The following GEMIN5 variants were observed in gnomAD, a reference collection of about 807,000 sequenced individuals.
GEMIN5 encodes gem nuclear organelle associated protein 5, also known as gem-associated protein 5.
A neutral mutation model predicts 176.9 loss-of-function variants in GEMIN5; 124 were observed. The ratio of observed to expected loss-of-function variants is 0.70; its 90% CI spans 0.61 to 0.81. The LOEUF (loss-of-function observed/expected upper bound fraction) is 0.81, where lower values mean the gene tolerates loss of function less well. Among genes scored for constraint, GEMIN5 ranks in the 40% least tolerant of loss-of-function variants. The pLI, the probability that GEMIN5 is intolerant of heterozygous loss-of-function variation, is 0.00. For missense variants in GEMIN5, 1,843 were observed against 1,814.6 expected (o/e 1.02, Z -0.28); for synonymous variants, 673 against 665.2 (o/e 1.01, Z -0.18).
rs1340695735 is a variant in GEMIN5, at chr5:154,892,386, C to T, written c.3760+1G>A. ...GCCTCAGGCAGCAGGAAGTCACTTA[C>T]CGTCAGGGAGAAAGGCTGAGTACAC... On this transcript the variant is annotated splice_donor_variant, in intron 25 of 27. Coordinates refer to ENST00000285873, the MANE Select transcript of GEMIN5 (RefSeq NM_015465.5). LOFTEE classifies it high-confidence loss of function. The T allele has an allele frequency of 1.2e-6, 2 of 1,612,528 alleles. No homozygotes were observed. Among genetic ancestry groups the T allele is most frequent in the Non-Finnish European group, 1.7e-6 (2 of 1,178,880 alleles).
At chr5:154,918,154 T>A in intron 11 of GEMIN5, 150 bp from the exon 12 acceptor site, 1 of 607,306 alleles carries the variant, frequency 1.6e-6, no homozygotes, top group Non-Finnish European at 2.9e-6. Context: ...GTAAAAGGAT[T>A]ACTAAGAACA....
intron 10 of GEMIN5, among the ~76,000 whole-genome samples, chr5:154,920,720 C>T (rs1763905250): frequency 6.6e-6 from 1 of 152,166 alleles, no homozygotes; most frequent in Non-Finnish European, 1.5e-5. Context: ...CTTATCCTCT[C>T]TATGTAATGC....
intron 11 of GEMIN5, among the ~76,000 whole-genome samples, chr5:154,918,222 A>T (rs1411901432): frequency 6.6e-6 from 1 of 152,222 alleles, no homozygotes; most frequent in African/African-American, 2.4e-5. Flanking sequence ...AAAACCCCCA[A>T]GGCCAATAAG....
At position 154,938,030 on chromosome 5, in the gene GEMIN5, G is replaced by C; in HGVS notation, c.104C>G (p.Ser35Cys). The change falls in exon 1 of 28, where the codon TCC becomes TGC. Residue 35 changes from serine (S) to cysteine (C), a missense_variant. Ser to Cys is a moderately radical substitution (Grantham distance 112). Transcript: ENST00000285873. ...GGLFGFAART[S>C]VFLVRVGPGA... ...CGGGCCCACGCGGACAAGGAAGACG[G>C]AGGTCCGCGCGGCGAAGCCAAAGAG... The C allele has an allele frequency of 1.3e-6, 2 of 1,558,418 alleles. No individual in the cohort carries two copies. The highest frequency in any genetic ancestry group is 1.7e-6 in the Non-Finnish European group (2 of 1,155,962).
At chr5:154,932,030 T>C (rs1440589772) in intron 4 of GEMIN5, 69 bp downstream of exon 4, 2 of 1,117,372 alleles carry the variant, frequency 1.8e-6, no homozygotes, top group African/African-American at 3.2e-5. Context: ...AAATAAAAAA[T>C]GATATAATTG....
chr5:154,933,353 G>T (rs1187419841), intron 3 of GEMIN5, among the ~76,000 whole-genome samples: 3 of 152,012 alleles, frequency 2.0e-5, no homozygotes, highest in African/African-American at 4.8e-5. Context: ...CATTCTGTTT[G>T]TAATTCATCC....
chr5:154,911,711 C>G lies in GEMIN5; in HGVS notation c.2167+16G>C. The G allele has an allele frequency of 6.2e-7, 1 of 1,603,860 alleles. No homozygotes were observed. The highest frequency in any genetic ancestry group is 8.5e-7 in the Non-Finnish European group (1 of 1,172,080). The stretch of plus-strand genomic sequence containing the variant: ...AGGGAGAAAAAGAATTAGATAAGCT[C>G]TAGGTTCTGACTGACCTTGAGGAGG... On this transcript the variant is annotated intron_variant, in intron 15 of 27. Coordinates refer to ENST00000285873, the MANE Select transcript of GEMIN5 (RefSeq NM_015465.5).
At chr5:154,930,162 T>C (rs530236682) in intron 5 of GEMIN5, among the ~76,000 whole-genome samples, 2 of 152,306 alleles carry the variant, frequency 1.3e-5, no homozygotes, top group Non-Finnish European at 2.9e-5. Context: ...GCCATAACCA[T>C]TTTCTCCCAT....
At chr5:154,910,666 T>C (rs1043124834) in intron 15 of GEMIN5, among the ~76,000 whole-genome samples, 8 of 152,186 alleles carry the variant, frequency 5.3e-5, no homozygotes, top group Admixed American at 3.9e-4. Flanking sequence ...CCAATTAATC[T>C]TTCTTAGCCA....
chr5:154,898,378 G>A (rs1763396509), intron 23 of GEMIN5, 62 bp downstream of exon 23: 3 of 1,430,924 alleles, frequency 2.1e-6, no homozygotes, highest in Non-Finnish European at 2.9e-6. Context: ...ACTTGGATTT[G>A]ACTAGAAAAG....
rs1561705773 is a variant in GEMIN5 at position 154,888,870 on chromosome 5, T to TTTTG, written c.4359+450_4359+451insCAAA. Among the ~76,000 whole-genome samples, 9 of 34,466 alleles carry TTTTG rather than the reference T, an allele frequency of 2.6e-4. 1 individual carries two copies. Among genetic ancestry groups the TTTTG allele is most frequent in the Admixed American group, 1.9e-3 (7 of 3,672 alleles). 22.6% of individuals were successfully genotyped at this position (34,466 alleles called of 152,430 possible). On this transcript the variant is annotated intron_variant, in intron 27 of 27. Transcript: ENST00000285873. ...AAATTCTTTTTTTTTGTTTTGTTTT[T>TTTTG]TTTTTGAGACAGAGTCTCGCTCTGT...
In GEMIN5 at chr5:154,937,066, C is replaced by T; in HGVS notation, c.286G>A (p.Val96Ile). The T allele has an allele frequency of 6.2e-7, 1 of 1,614,050 alleles. No homozygotes were observed. Among genetic ancestry groups the T allele is most frequent in the Non-Finnish European group, 8.5e-7 (1 of 1,179,914 alleles). ...SDDGTVKIWD[V>I]ETKTVVTEHA... Reference sequence around the variant, plus strand: ...TCTGTCACAACTGTTTTTGTCTCTACATCCCATATTTTCACAGTCCCATCG... The same window carrying T: ...TCTGTCACAACTGTTTTTGTCTCTATATCCCATATTTTCACAGTCCCATCG... Residue 96 changes from valine (V) to isoleucine (I), a missense_variant, in exon 2 of 28, where the codon GTA becomes ATA. Transcript: ENST00000285873.
At position 154,916,556 on chromosome 5, in the gene GEMIN5, T is replaced by C. The variant is rs1763814301; in HGVS notation, c.1855+442A>G. Among the ~76,000 whole-genome samples, 4 of 152,144 alleles carry C rather than the reference T, an allele frequency of 2.6e-5. No individual in the cohort carries two copies. In the South Asian group the frequency reaches 8.3e-4, roughly 31 times the overall value. Reference sequence around the variant, plus strand: ...AGGCTAGGGTGCAGTGGTGCAAATATAGCTCACTGCAGCCTCAAACTCCTA... The same window carrying C: ...AGGCTAGGGTGCAGTGGTGCAAATACAGCTCACTGCAGCCTCAAACTCCTA... On this transcript the variant is annotated intron_variant, in intron 13 of 27. Transcript: ENST00000285873.
At chr5:154,931,311 G>A (rs1007460478) in intron 5 of GEMIN5, 147 bp downstream of exon 5, 55 of 676,416 alleles carry the variant, frequency 8.1e-5, no homozygotes, top group Non-Finnish European at 1.2e-4. Flanking sequence ...GTCTAGGCCA[G>A]GCTCAAATGA....
chr5:154,936,137 C>T (rs1046866452), intron 2 of GEMIN5, 115 bp from the exon 3 acceptor site: 3 of 683,804 alleles, frequency 4.4e-6, no homozygotes, highest in Non-Finnish European at 7.2e-6. Context: ...ATTAATACGG[C>T]CGGGCGCGGT....
chr5:154,908,146 A>AGT (rs1315435592), intron 15 of GEMIN5, among the ~76,000 whole-genome samples: 1 of 137,140 alleles, frequency 7.3e-6, no homozygotes, highest in African/African-American at 2.7e-5. Context: ...TCTCTATTTA[A>AGT]GTTCTGCCAA....
chr5:154,931,663 T>C, intron 4 of GEMIN5, 86 bp from the exon 5 acceptor site: 1 of 1,108,706 alleles, frequency 9.0e-7, no homozygotes, highest in East Asian at 2.4e-5. Context: ...TTTCCAAAAC[T>C]TAGCTATCTC....
Position 154,927,518 on chromosome 5 carries a change from G to C in GEMIN5, c.947C>G (p.Ser316Cys). 1 of 1,610,004 alleles carries C rather than the reference G, an allele frequency of 6.2e-7. No homozygotes were observed. ...GELLQWDLTQ[S>C]WRRKYTLFSA... ...GAAGAGGGTGTATTTCCGTCTCCAA[G>C]ATTGAGTGAGATCCCATTGCAACAG... Residue 316 changes from serine (S) to cysteine (C), a missense_variant, in exon 7 of 28, where the codon TCT becomes TGT. By Grantham distance (112) the Ser-to-Cys change is moderately radical. Coordinates refer to ENST00000285873, the MANE Select transcript of GEMIN5 (RefSeq NM_015465.5).
rs1582644530 is a variant in GEMIN5, at chr5:154,888,051, G to A, written c.*159C>T. 2.7e-5 allele frequency: 18 copies of A among 661,732 alleles called. No homozygotes were observed. The highest frequency in any genetic ancestry group is 1.1e-4 in the South Asian group (6 of 53,630). The allele number at this position is 661,732 out of a possible 1,614,324, so 41.0% of individuals were successfully genotyped here. A position where few individuals can be genotyped will look rare whatever the true frequency, so the allele number is the denominator to read the frequency against. On this transcript the variant is annotated 3_prime_UTR_variant, in exon 28 of 28. Coordinates refer to ENST00000285873, the MANE Select transcript of GEMIN5 (RefSeq NM_015465.5). The stretch of plus-strand genomic sequence containing the variant: ...AAAGTCAGATCCACCGTTGTCTATG[G>A]GTAGGCAGGGTTGATTCAAACTTAA...
Sources: gnomAD v4.1 joint callset for allele counts (sites outside exome capture counted in the v4.1 genomes callset) on GRCh38, gnomAD v4.1.1 for gene constraint, MANE v1.5 for transcripts, NCBI Gene and HGNC (gene_info 2026-07-23, HGNC 2026-07-21) for gene names.